HDX: variants seen among roughly 807,000 people sequenced by gnomAD.
HDX encodes chromosome X open reading frame 43.
HDX carries 19 observed loss-of-function variants against 45.2 expected under a neutral mutation model. The ratio of observed to expected loss-of-function variants is 0.42; its 90% CI spans 0.29 to 0.62. The LOEUF (loss-of-function observed/expected upper bound fraction) is 0.62. Among genes scored for constraint, HDX ranks in the 20% least tolerant of loss-of-function variants. The pLI is 0.20. For missense variants in HDX, 532 were observed against 493.9 expected (o/e 1.08, Z -0.73); for synonymous variants, 188 against 172.8 (o/e 1.09, Z -0.69).
intron 9 of HDX, 110 bp downstream of exon 9, chrX:84,333,649 T>C (rs777052161): frequency 5.8e-5 from 23 of 399,019 alleles, no homozygotes; most frequent in Non-Finnish European, 9.4e-5. Flanking sequence ...AAAGAATTAA[T>C]GCAGAGCCTT....
intron 10 of HDX, among the ~76,000 whole-genome samples, chrX:84,325,198 C>G (rs770645103): frequency 2.7e-5 from 3 of 110,342 alleles, no homozygotes; most frequent in Middle Eastern, 4.7e-3. Context: ...AAGGCTATTT[C>G]TTGGGAAAAA....
chrX:84,414,492 C>T (rs770136904), intron 5 of HDX, among the ~76,000 whole-genome samples: 3 of 111,650 alleles, frequency 2.7e-5, no homozygotes, highest in Non-Finnish European at 5.6e-5. Context: ...CATATATTTC[C>T]AGAGCTAACT....
At chrX:84,458,614 C>G (rs5968331) in intron 4 of HDX, among the ~76,000 whole-genome samples, 55,117 of 109,903 alleles carry the variant, frequency 0.5, 11,230 homozygotes, top group African/African-American at 0.79. Context: ...TAAATCTTTG[C>G]CCTTCCAGTC....
At chrX:84,476,544 C>CAA (rs376973856) in intron 2 of HDX, among the ~76,000 whole-genome samples, 10,993 of 37,824 alleles carry the variant, frequency 0.29, 1,153 homozygotes, top group Non-Finnish European at 0.34. Flanking sequence ...AACTCTGTCT[C>CAA]AAAAAAAAAA....
intron 5 of HDX, among the ~76,000 whole-genome samples, chrX:84,425,389 C>T (rs2039360906): frequency 9.0e-6 from 1 of 111,490 alleles, no homozygotes; most frequent in African/African-American, 3.3e-5. Flanking sequence ...AGTACAACCA[C>T]TATGGAGAAC....
chrX:84,439,071 T>G (rs1238045210), intron 5 of HDX, among the ~76,000 whole-genome samples: 1 of 112,015 alleles, frequency 8.9e-6, no homozygotes, highest in African/African-American at 3.2e-5. Flanking sequence ...TTTGTTTTTT[T>G]GTTTTGCCTT....
At chrX:84,381,145 G>A (rs1471358908) in intron 5 of HDX, among the ~76,000 whole-genome samples, 2 of 110,821 alleles carry the variant, frequency 1.8e-5, no homozygotes, top group African/African-American at 6.5e-5. Flanking sequence ...ATTAACCAAA[G>A]AAGTTAAAGA....
chrX:84,363,230 A>AT (rs763076383), intron 5 of HDX, among the ~76,000 whole-genome samples: 23 of 112,221 alleles, frequency 2.0e-4, no homozygotes, highest in Non-Finnish European at 3.8e-4. Flanking sequence ...GAAAAGTAAC[A>AT]TTAGGTGTTC....
At chrX:84,401,417 T>G (rs1380955489) in intron 5 of HDX, among the ~76,000 whole-genome samples, 6 of 111,567 alleles carry the variant, frequency 5.4e-5, no homozygotes, top group African/African-American at 2.0e-4. Context: ...CAAACACTTC[T>G]CAAAAGAAGA....
intron 4 of HDX, among the ~76,000 whole-genome samples, chrX:84,467,124 TAAAG>T (rs1209308856): frequency 9.0e-6 from 1 of 111,277 alleles, no homozygotes; most frequent in Non-Finnish European, 1.9e-5. Flanking sequence ...CAATTATCAA[TAAAG>T]AATGACTGTT....
At chrX:84,392,944 T>G (rs777348912) in intron 5 of HDX, among the ~76,000 whole-genome samples, 4 of 106,979 alleles carry the variant, frequency 3.7e-5, no homozygotes, top group Non-Finnish European at 7.8e-5. Flanking sequence ...TAAACAGGGA[T>G]AGTTGGACTT....
At chrX:84,465,129 C>G (rs2040320745) in intron 4 of HDX, among the ~76,000 whole-genome samples, 1 of 112,127 alleles carries the variant, frequency 8.9e-6, no homozygotes, top group Non-Finnish European at 1.9e-5. Flanking sequence ...GAGATAACAT[C>G]TCATGCCAGT....
intron 4 of HDX, among the ~76,000 whole-genome samples, chrX:84,450,723 C>CA (rs1391390733): frequency 8.9e-6 from 1 of 112,280 alleles, no homozygotes; most frequent in Non-Finnish European, 1.9e-5. Context: ...AATATTTCAT[C>CA]AAATGGCTAC....
At chrX:84,497,167 A>T (rs1196014312) in intron 1 of HDX, among the ~76,000 whole-genome samples, 1 of 112,204 alleles carries the variant, frequency 8.9e-6, no homozygotes, top group Non-Finnish European at 1.9e-5. Context: ...ACTGTGAGTC[A>T]GTTAAATATC....
At position 84,456,293 on chromosome X, in the gene HDX, G is replaced by A. The variant is rs767785932; in HGVS notation, c.1251+12179C>T. On this transcript the variant is annotated intron_variant, in intron 4 of 10. Coordinates refer to ENST00000373177, the MANE Select transcript of HDX (RefSeq NM_001177479.2). ...GATTTTTCTTTGCTTGCTTGTTTAT[G>A]CAATCAATGTTAAGTTGTCATCAGT... Among the ~76,000 whole-genome samples, 38 of 111,198 alleles carry A rather than the reference G, an allele frequency of 3.4e-4. No individual in the cohort carries two copies. In the South Asian group the frequency reaches 0.014, roughly 42 times the overall value.
chrX:84,416,240 C>T (rs190933011), intron 5 of HDX, among the ~76,000 whole-genome samples: 4 of 111,548 alleles, frequency 3.6e-5, no homozygotes, highest in African/African-American at 1.3e-4. Flanking sequence ...TTTCTAACAT[C>T]ATCTTATCGA....
At chrX:84,398,726 G>A (rs1259796847) in intron 5 of HDX, among the ~76,000 whole-genome samples, 3 of 111,976 alleles carry the variant, frequency 2.7e-5, no homozygotes, top group Non-Finnish European at 5.6e-5. Flanking sequence ...CCTAATGGAC[G>A]TCTACAGAAT....
At position 84,320,835 on chromosome X, in the gene HDX, T is replaced by G. The variant is rs1439573785; in HGVS notation, c.*1054A>C. 9.0e-6 allele frequency: 1 copy of G among 110,610 alleles called. No individual in the cohort carries two copies. Among genetic ancestry groups the G allele is most frequent in the Non-Finnish European group, 1.9e-5 (1 of 52,337 alleles). The allele number at this position is 110,610 out of a possible 1,213,427, so 9.1% of individuals were successfully genotyped here. ...CTGGGTAGCTTGCCCATTTTAGGTG[T>G]GTACTCATAGAATAGTATTCATGGA... On this transcript the variant is annotated 3_prime_UTR_variant, in exon 11 of 11. Transcript: ENST00000373177.
At chrX:84,358,699 A>T (rs188373513) in intron 6 of HDX, among the ~76,000 whole-genome samples, 1 of 112,071 alleles carries the variant, frequency 8.9e-6, no homozygotes, top group East Asian at 2.8e-4. Flanking sequence ...ATCTCTACTC[A>T]AAAATTCTCT....
Sources: allele counts gnomAD v4.1 joint callset (sites outside exome capture counted in the v4.1 genomes callset), GRCh38; gene constraint gnomAD v4.1.1; transcripts MANE v1.5; gene names NCBI Gene and HGNC (gene_info 2026-07-23, HGNC 2026-07-21).